Variants in WDR49 observed in about 807,000 individuals in gnomAD.
WDR49 encodes the protein cilia- and flagella-associated protein 337.
Under a neutral mutation model 119.5 loss-of-function variants are expected in WDR49, and 107 were observed. The observed-to-expected ratio is 0.90, with a 90% CI of 0.77 to 1.05. The LOEUF (loss-of-function observed/expected upper bound fraction) is 1.05. WDR49 is among the 50% of genes least tolerant of loss of function. The pLI, the probability that WDR49 is intolerant of heterozygous loss-of-function variation, is 0.00. For synonymous variants in WDR49, 425 were observed against 418.8 expected (o/e 1.01, Z -0.18); for missense variants, 1,240 against 1,220.5 (o/e 1.02, Z -0.24).
At chr3:167,492,515 G>A (rs1751181851) in intron 18 of WDR49, among the ~76,000 whole-genome samples, 1 of 152,022 alleles carries the variant, frequency 6.6e-6, no homozygotes, top group Non-Finnish European at 1.5e-5. Flanking sequence ...CTCTTTAGTG[G>A]AATAATAATA....
At chr3:167,546,070 G>A (rs1712178154) in intron 10 of WDR49, among the ~76,000 whole-genome samples, 1 of 151,742 alleles carries the variant, frequency 6.6e-6, no homozygotes, top group South Asian at 2.1e-4. Flanking sequence ...ACCCTTTGAG[G>A]AGGGAGACAG....
At chr3:167,614,974 C>G (rs1716525456) in intron 5 of WDR49, among the ~76,000 whole-genome samples, 1 of 152,162 alleles carries the variant, frequency 6.6e-6, no homozygotes, top group Non-Finnish European at 1.5e-5. Flanking sequence ...AACTACAAAT[C>G]CCATATATTA....
At chr3:167,629,748 A>G (rs1172511719) in intron 2 of WDR49, among the ~76,000 whole-genome samples, 5 of 152,076 alleles carry the variant, frequency 3.3e-5, no homozygotes, top group African/African-American at 1.2e-4. Context: ...GTTGATTCCA[A>G]CCCTCATGGA....
At chr3:167,584,523 T>C (rs1714709452) in intron 7 of WDR49, among the ~76,000 whole-genome samples, 1 of 152,140 alleles carries the variant, frequency 6.6e-6, no homozygotes, top group Admixed American at 6.6e-5. Flanking sequence ...GGAATTACCC[T>C]ACCTGGCATC....
chr3:167,557,388 G>A (rs746141356), intron 9 of WDR49, among the ~76,000 whole-genome samples: 13 of 152,060 alleles, frequency 8.5e-5, no homozygotes, highest in Non-Finnish European at 1.5e-4. Context: ...TTGTTAAAAA[G>A]CAAAAGATTT....
At chr3:167,610,715 T>C (rs1352056302) in intron 5 of WDR49, among the ~76,000 whole-genome samples, 1 of 152,190 alleles carries the variant, frequency 6.6e-6, no homozygotes, top group African/African-American at 2.4e-5. Context: ...AGGTAGTGAT[T>C]AAAGCAGGTC....
chr3:167,601,480 G>A (rs1715767308), intron 7 of WDR49, among the ~76,000 whole-genome samples: 1 of 152,082 alleles, frequency 6.6e-6, no homozygotes, highest in South Asian at 2.1e-4. Context: ...TTGGGCATTA[G>A]TAAGATTGAA....
At chr3:167,501,876 G>T (rs1751584436) in intron 17 of WDR49, among the ~76,000 whole-genome samples, 1 of 152,126 alleles carries the variant, frequency 6.6e-6, no homozygotes, top group East Asian at 1.9e-4. Flanking sequence ...TTAAGGGAAA[G>T]AATAAAAATT....
At chr3:167,614,945 A>G (rs1716523719) in intron 5 of WDR49, among the ~76,000 whole-genome samples, 1 of 152,206 alleles carries the variant, frequency 6.6e-6, no homozygotes, top group African/African-American at 2.4e-5. Flanking sequence ...CTTGCAGACA[A>G]AGGAACAGAA....
At chr3:167,546,565 T>A (rs1329847761) in intron 10 of WDR49, among the ~76,000 whole-genome samples, 1 of 151,768 alleles carries the variant, frequency 6.6e-6, no homozygotes, top group Non-Finnish European at 1.5e-5. Flanking sequence ...TTTGCCACCC[T>A]GAGAGTATCA....
chr3:167,529,438 T>C (rs1309706526), intron 13 of WDR49, among the ~76,000 whole-genome samples, 199 bp from the exon 14 acceptor site: 1 of 152,128 alleles, frequency 6.6e-6, no homozygotes, highest in Non-Finnish European at 1.5e-5. Context: ...GTGTTGAGTA[T>C]TAAATGAGAT....
intron 3 of WDR49, among the ~76,000 whole-genome samples, chr3:167,622,407 ATGATGTC>A: frequency 6.6e-6 from 1 of 152,008 alleles, no homozygotes. Context: ...ACAAATGAGA[ATGATGTC>A]TGATTAAATA....
At chr3:167,542,618 C>T (rs1322121116) in intron 10 of WDR49, among the ~76,000 whole-genome samples, 2 of 151,886 alleles carry the variant, frequency 1.3e-5, no homozygotes, top group African/African-American at 4.8e-5. Context: ...TTTTCAAAAC[C>T]TCTGGGATAC....
chr3:167,636,113 C>G (rs948909100), intron 2 of WDR49, among the ~76,000 whole-genome samples: 1 of 151,552 alleles, frequency 6.6e-6, no homozygotes, highest in Non-Finnish European at 1.5e-5. Flanking sequence ...TTCCTCAACC[C>G]CTTCCCACTA....
At chr3:167,537,550 T>C (rs1711536822) in intron 10 of WDR49, among the ~76,000 whole-genome samples, 1 of 152,020 alleles carries the variant, frequency 6.6e-6, no homozygotes, top group South Asian at 2.1e-4. Flanking sequence ...ACTTGGAAAA[T>C]GCCACCCCAA....
Position 167,478,820 on chromosome 3 carries a change from G to T in WDR49, c.*58C>A, listed in dbSNP as rs1750576017. 8.3e-7 allele frequency: 1 copy of T among 1,201,940 alleles called. No individual in the cohort carries two copies. The highest frequency in any genetic ancestry group is 1.2e-6 in the Non-Finnish European group (1 of 856,798). 74.5% of individuals were successfully genotyped at this position (1,201,940 alleles called of 1,614,324 possible). ...TAAAATAAAAGGCAGAATTCTTGAT[G>T]CTTTTTCTGCATTTTATATCTGTAC... On this transcript the variant is annotated 3_prime_UTR_variant, in exon 19 of 19. Coordinates refer to ENST00000682715, the MANE Select transcript of WDR49 (RefSeq NM_001366157.1).
chr3:167,620,565 C>A lies in WDR49; in HGVS notation c.822G>T (p.Leu274=), dbSNP rs1380641306. Residue 274 remains leucine (L), a synonymous_variant, in exon 5 of 19, where the codon CTG becomes CTT. Transcript: ENST00000682715. ...CACATGCACTAGCAGGCCGTTCAAACAGGGAAATCAAGGCTGCGGTGAAAG... is the reference window on the plus strand; with the variant it reads ...CACATGCACTAGCAGGCCGTTCAAAAAGGGAAATCAAGGCTGCGGTGAAAG... ...AIAFTAALIS[L]FERPASACED... is the part of the protein sequence containing the mutation. The A allele has an allele frequency of 1.3e-6, 2 of 1,535,134 alleles. No homozygotes were observed. The highest frequency in any genetic ancestry group is 1.7e-6 in the Non-Finnish European group (2 of 1,146,324).
At chr3:167,568,328 T>C (rs1213625893) in intron 8 of WDR49, among the ~76,000 whole-genome samples, 1 of 152,216 alleles carries the variant, frequency 6.6e-6, no homozygotes, top group Non-Finnish European at 1.5e-5. Flanking sequence ...CAGCTTTAGA[T>C]ATTTCACCTT....
At chr3:167,644,570 A>G (rs7641659) in intron 2 of WDR49, among the ~76,000 whole-genome samples, 54,545 of 151,926 alleles carry the variant, frequency 0.36, 11,651 homozygotes, top group African/African-American at 0.61. Context: ...TTACTTATCC[A>G]TTCATCCAGT....
Sources: allele counts gnomAD v4.1 joint callset (sites outside exome capture counted in the v4.1 genomes callset), GRCh38; gene constraint gnomAD v4.1.1; transcripts MANE v1.5; gene names NCBI Gene and HGNC (gene_info 2026-07-23, HGNC 2026-07-21).